Variants in SLC39A11 observed in about 807,000 individuals in gnomAD.
The protein encoded by SLC39A11 is zinc transporter ZIP11.
Under a neutral mutation model 36.1 loss-of-function variants are expected in SLC39A11, and 33 were observed. That is an observed-to-expected ratio of 0.91 (90% CI 0.69 to 1.22). The LOEUF (loss-of-function observed/expected upper bound fraction) is 1.22, where lower values mean the gene tolerates loss of function less well. Among genes scored for constraint, SLC39A11 ranks in the 50% most tolerant of loss-of-function variants. The pLI is 0.00. For missense variants in SLC39A11, 432 were observed against 430.3 expected, an observed-to-expected ratio of 1.00 and a Z score of -0.03; for synonymous variants, 166 against 170.3, an observed-to-expected ratio of 0.97 and a Z score of 0.20.
chr17:72,924,004 A>G (rs937176348), intron 5 of SLC39A11, among the ~76,000 whole-genome samples: 1 of 151,836 alleles, frequency 6.6e-6, no homozygotes, highest in South Asian at 2.1e-4. Flanking sequence ...AAAATTACCC[A>G]GGCACAGTGG....
At chr17:73,058,710 G>A (rs1463835408) in intron 3 of SLC39A11, among the ~76,000 whole-genome samples, 2 of 152,072 alleles carry the variant, frequency 1.3e-5, no homozygotes, top group East Asian at 1.9e-4. Context: ...CTGACAGAGC[G>A]AAACTCTGTC....
intron 8 of SLC39A11, 49 bp from the exon 9 acceptor site, chr17:72,649,010 C>A: frequency 1.9e-6 from 3 of 1,584,780 alleles, no homozygotes; most frequent in Non-Finnish European, 2.6e-6. Context: ...GGCAAGCAGA[C>A]ACTCCACGTG....
At chr17:72,670,637 T>C (rs2070984068) in intron 7 of SLC39A11, among the ~76,000 whole-genome samples, 1 of 152,252 alleles carries the variant, frequency 6.6e-6, no homozygotes, top group Non-Finnish European at 1.5e-5. Flanking sequence ...CATAATCCAC[T>C]ACTATCATTA....
chr17:72,979,509 T>C (rs371361709), intron 4 of SLC39A11, among the ~76,000 whole-genome samples: 14 of 152,212 alleles, frequency 9.2e-5, no homozygotes, highest in African/African-American at 3.4e-4. Flanking sequence ...GAGGGACGGA[T>C]AGAGACATTC....
At chr17:72,811,415 C>A (rs1336303737) in intron 6 of SLC39A11, among the ~76,000 whole-genome samples, 1 of 152,160 alleles carries the variant, frequency 6.6e-6, no homozygotes, top group Non-Finnish European at 1.5e-5. Flanking sequence ...CAGGCCATGG[C>A]AATCACTGTT....
At chr17:72,977,150 C>T (rs753728362) in intron 4 of SLC39A11, among the ~76,000 whole-genome samples, 3 of 152,090 alleles carry the variant, frequency 2.0e-5, no homozygotes, top group African/African-American at 2.4e-5. Context: ...CAGAGAGATT[C>T]GAAAGTGAGA....
intron 6 of SLC39A11, among the ~76,000 whole-genome samples, chr17:72,779,678 G>A (rs1283662917): frequency 6.6e-6 from 1 of 152,188 alleles, no homozygotes; most frequent in Non-Finnish European, 1.5e-5. Context: ...AGCATCTCAA[G>A]TTGAAGGGGA....
chr17:72,921,293 G>C (rs565399607), intron 5 of SLC39A11, among the ~76,000 whole-genome samples: 2 of 152,188 alleles, frequency 1.3e-5, no homozygotes, highest in Non-Finnish European at 2.9e-5. Context: ...CACCGAAGGC[G>C]AGAGTTCTTC....
At chr17:72,701,507 T>C (rs2072616221) in intron 7 of SLC39A11, among the ~76,000 whole-genome samples, 2 of 152,140 alleles carry the variant, frequency 1.3e-5, no homozygotes, top group Middle Eastern at 6.8e-3. Flanking sequence ...AGTGGGCAGA[T>C]ACCTGAGGTC....
intron 7 of SLC39A11, among the ~76,000 whole-genome samples, chr17:72,696,292 C>T (rs1189685441): frequency 1.3e-5 from 2 of 152,112 alleles, no homozygotes; most frequent in Non-Finnish European, 2.9e-5. Context: ...TCTGAGTCTA[C>T]TTGCTCCTTC....
intron 7 of SLC39A11, among the ~76,000 whole-genome samples, chr17:72,720,553 T>C (rs60680462): frequency 0.14 from 21,114 of 151,814 alleles, 1,579 homozygotes; most frequent in African/African-American, 0.19. Context: ...TGGACCTGAG[T>C]GGAAATAGAA....
intron 2 of SLC39A11, among the ~76,000 whole-genome samples, chr17:73,086,379 A>G (rs547148045): frequency 1.3e-5 from 2 of 152,292 alleles, no homozygotes; most frequent in South Asian, 4.1e-4. Context: ...TGAATGGATA[A>G]ACAAAATGTG....
chr17:72,904,200 A>C (rs1346643686), intron 5 of SLC39A11, among the ~76,000 whole-genome samples: 1 of 152,186 alleles, frequency 6.6e-6, no homozygotes, highest in East Asian at 1.9e-4. Context: ...TGGGAGGCTG[A>C]GGAAGGAGGA....
chr17:72,988,141 T>C (rs2088899763), intron 4 of SLC39A11, among the ~76,000 whole-genome samples: 1 of 152,244 alleles, frequency 6.6e-6, no homozygotes, highest in South Asian at 2.1e-4. Flanking sequence ...AACAATCCAA[T>C]TACACTCTTT....
intron 4 of SLC39A11, among the ~76,000 whole-genome samples, chr17:73,009,700 T>A (rs1037403422): frequency 9.2e-5 from 14 of 152,342 alleles, no homozygotes; most frequent in African/African-American, 3.1e-4. Flanking sequence ...CCATTTAAAA[T>A]TGTTAATTTT....
Position 72,813,290 on chromosome 17 carries a change from G to T in SLC39A11, c.601+36344C>A, listed in dbSNP as rs944619133. ...GGAGAACTCTTTTCTGGTCCCCATT[G>T]TCAGATTTTAATTTGTATTTTGAAG... On this transcript the variant is annotated intron_variant, in intron 6 of 9. Coordinates refer to ENST00000255559, the MANE Select transcript of SLC39A11 (RefSeq NM_139177.4). Among the ~76,000 whole-genome samples, 26 of 152,274 alleles carry T rather than the reference G, an allele frequency of 1.7e-4. No individual in the cohort carries two copies. In the Middle Eastern group the frequency reaches 0.01, roughly 60 times the overall value.
chr17:72,844,935 C>T (rs2078984249), intron 6 of SLC39A11, among the ~76,000 whole-genome samples: 2 of 152,186 alleles, frequency 1.3e-5, no homozygotes, highest in African/African-American at 2.4e-5. Flanking sequence ...ACCTCCGGGT[C>T]CCTCCTGGCT....
At chr17:72,765,686 C>T (rs1255838545) in intron 6 of SLC39A11, among the ~76,000 whole-genome samples, 1 of 152,146 alleles carries the variant, frequency 6.6e-6, no homozygotes, top group African/African-American at 2.4e-5. Flanking sequence ...AGCTATATTC[C>T]CTCGCAGCCA....
At chr17:72,877,375 A>C (rs1377519066) in intron 5 of SLC39A11, among the ~76,000 whole-genome samples, 5 of 152,324 alleles carry the variant, frequency 3.3e-5, no homozygotes, top group Admixed American at 2.6e-4. Flanking sequence ...TGGCGGCTTT[A>C]TATTACAGCC....
Sources: gnomAD v4.1 joint callset for allele counts (sites outside exome capture counted in the v4.1 genomes callset) on GRCh38, gnomAD v4.1.1 for gene constraint, MANE v1.5 for transcripts, NCBI Gene and HGNC (gene_info 2026-07-23, HGNC 2026-07-21) for gene names.